ADRA1B: variants seen among roughly 807,000 people sequenced by gnomAD.
ADRA1B encodes the protein alpha-1B adrenergic receptor.
Under a neutral mutation model 17.9 loss-of-function variants are expected in ADRA1B, and 17 were observed. The ratio of observed to expected loss-of-function variants is 0.95; its 90% CI spans 0.65 to 1.42. ADRA1B has a LOEUF of 1.42. Ranked by LOEUF, ADRA1B falls within the 40% of genes most tolerant of loss-of-function variation. The pLI is 0.00. For synonymous variants in ADRA1B, 366 were observed against 327.6 expected, an observed-to-expected ratio of 1.12 and a Z score of -1.27; for missense variants, 681 against 722.1, an observed-to-expected ratio of 0.94 and a Z score of 0.65.
intron 1 of ADRA1B, among the ~76,000 whole-genome samples, chr5:159,970,956 C>G (rs1755854012): frequency 6.6e-6 from 1 of 152,130 alleles, no homozygotes; most frequent in African/African-American, 2.4e-5. Flanking sequence ...AGGCACGCAC[C>G]AACACGCCTG....
At chr5:159,878,435 G>A (rs887491562) in intron 1 of ADRA1B, among the ~76,000 whole-genome samples, 1 of 152,218 alleles carries the variant, frequency 6.6e-6, no homozygotes, top group Non-Finnish European at 1.5e-5. Context: ...GGGAAATAAG[G>A]AGCCAATAAA....
At chr5:159,904,195 T>C (rs1173685077) in intron 1 of ADRA1B, among the ~76,000 whole-genome samples, 1 of 152,226 alleles carries the variant, frequency 6.6e-6, no homozygotes, top group Admixed American at 6.5e-5. Flanking sequence ...TTTTTAAGAC[T>C]ATGGGTCTGG....
At chr5:159,901,330 G>A (rs1170220223) in intron 1 of ADRA1B, among the ~76,000 whole-genome samples, 1 of 148,700 alleles carries the variant, frequency 6.7e-6, no homozygotes, top group Non-Finnish European at 1.5e-5. Context: ...TTCCAGCACA[G>A]CCAAATAAGT....
At chr5:159,873,246 G>A (rs998732600) in intron 1 of ADRA1B, among the ~76,000 whole-genome samples, 8 of 152,244 alleles carry the variant, frequency 5.3e-5, no homozygotes, top group African/African-American at 1.9e-4. Context: ...AAGTATGCAT[G>A]TGTCTTTACA....
chr5:159,988,833 A>G, the ADRA1B span, among the ~76,000 whole-genome samples: 7 of 152,222 alleles, frequency 4.6e-5, no homozygotes, highest in African/African-American at 1.4e-4. Flanking sequence ...TTTAAAAATT[A>G]GCCAGGTTTG....
chr5:159,917,213 C>T lies in ADRA1B; in HGVS notation c.308C>T (p.Ala103Val), dbSNP rs778028658. The change falls in exon 1 of 2, where the codon GCG becomes GTG. Residue 103 changes from alanine to valine, a missense_variant. Ala to Val is a moderately conservative substitution (Grantham distance 64). Coordinates refer to ENST00000306675, the MANE Select transcript of ADRA1B (RefSeq NM_000679.4). ...LLSFTVLPFS[A>V]ALEVLGYWVL... The stretch of plus-strand genomic sequence containing the variant: ...AGCTTCACCGTCCTGCCCTTCTCAG[C>T]GGCCCTAGAGGTGCTCGGCTACTGG... 4 of 1,614,054 alleles carry T rather than the reference C, an allele frequency of 2.5e-6. No homozygotes were observed. The highest frequency in any genetic ancestry group is 8.5e-7 in the Non-Finnish European group (1 of 1,180,050).
chr5:159,936,537 T>C (rs963231757), intron 1 of ADRA1B, among the ~76,000 whole-genome samples: 5 of 152,302 alleles, frequency 3.3e-5, no homozygotes, highest in Admixed American at 2.0e-4. Context: ...ATTAATAATG[T>C]AAACTTTCAG....
chr5:159,902,954 C>T (rs1050082824), intron 1 of ADRA1B, among the ~76,000 whole-genome samples: 2 of 152,152 alleles, frequency 1.3e-5, no homozygotes, highest in Admixed American at 6.5e-5. Context: ...CTGTCGCTCT[C>T]GGACAGAACA....
At chr5:159,935,442 T>C (rs2113211900) in intron 1 of ADRA1B, among the ~76,000 whole-genome samples, 1 of 152,298 alleles carries the variant, frequency 6.6e-6, no homozygotes, top group East Asian at 1.9e-4. Context: ...GAAATAAAAA[T>C]GTTACAAATA....
Position 159,917,603 on chromosome 5 carries a change from C to T in ADRA1B, c.698C>T (p.Thr233Ile), listed in dbSNP as rs2113149926. 6.2e-7 allele frequency: 1 copy of T among 1,614,062 alleles called. No homozygotes were observed. The highest frequency in any genetic ancestry group is 8.5e-7 in the Non-Finnish European group (1 of 1,180,004). Residue 233 changes from threonine to isoleucine, a missense_variant, in exon 1 of 2, where the codon ACC becomes ATC. Physicochemically the swap from Thr to Ile is moderately conservative, Grantham distance 89 (BLOSUM62 -1). Around this residue, in one of 3 missense-constraint regions of ADRA1B, gnomAD observed 424 missense variants for 480.2 expected, o/e 0.88. Transcript: ENST00000306675. ...CGTGTCTATATAGTGGCCAAGAGAA[C>T]CACCAAGAACCTAGAGGCAGGAGTC... ...YCRVYIVAKR[T>I]TKNLEAGVMK...
chr5:159,890,025 G>A (rs1249884673), intron 1 of ADRA1B, among the ~76,000 whole-genome samples: 1 of 152,146 alleles, frequency 6.6e-6, no homozygotes, highest in Non-Finnish European at 1.5e-5. Flanking sequence ...GCTAAGATAG[G>A]CTGCCAGCCT....
At chr5:159,876,634 A>T (rs1753805634) in intron 1 of ADRA1B, among the ~76,000 whole-genome samples, 1 of 152,216 alleles carries the variant, frequency 6.6e-6, no homozygotes, top group Non-Finnish European at 1.5e-5. Flanking sequence ...GTGAAAAAGA[A>T]GATGGGGAGA....
intron 1 of ADRA1B, among the ~76,000 whole-genome samples, chr5:159,902,313 G>T (rs1754110220): frequency 6.6e-6 from 1 of 152,174 alleles, no homozygotes; most frequent in Admixed American, 6.5e-5. Context: ...AGAGTAGAAT[G>T]GGGCTGGGGG....
At chr5:159,879,542 A>G (rs953627661) in intron 1 of ADRA1B, among the ~76,000 whole-genome samples, 2 of 151,780 alleles carry the variant, frequency 1.3e-5, no homozygotes, top group Admixed American at 6.6e-5. Flanking sequence ...CCACAAGCCA[A>G]TTCTTCTTCT....
intron 1 of ADRA1B, among the ~76,000 whole-genome samples, chr5:159,954,723 A>T (rs1755519988): frequency 6.6e-6 from 1 of 152,126 alleles, no homozygotes; most frequent in Admixed American, 6.5e-5. Context: ...GATACAGGAG[A>T]CAATCTCACC....
intron 1 of ADRA1B, among the ~76,000 whole-genome samples, chr5:159,889,864 T>C (rs1235257628): frequency 6.6e-6 from 1 of 152,228 alleles, no homozygotes; most frequent in Non-Finnish European, 1.5e-5. Context: ...CTACTATAAA[T>C]TCCTTCCTTG....
intron 1 of ADRA1B, among the ~76,000 whole-genome samples, chr5:159,908,578 C>A (rs1222948277): frequency 6.6e-6 from 1 of 152,154 alleles, no homozygotes; most frequent in Non-Finnish European, 1.5e-5. Flanking sequence ...TAGCCTGAGT[C>A]CCTCACCAGA....
At chr5:159,870,109 G>GA (rs1753717231) in intron 1 of ADRA1B, 1 of 152,020 alleles carries the variant, frequency 6.6e-6, no homozygotes, top group Non-Finnish European at 1.5e-5. Context: ...GCTATGAAGG[G>GA]AAAAAAGAGA....
rs114100419 is a variant in ADRA1B at position 159,927,769 on chromosome 5, G to A, written c.949+9915G>A. On this transcript the variant is annotated intron_variant, in intron 1 of 1. Coordinates refer to ENST00000306675, the MANE Select transcript of ADRA1B (RefSeq NM_000679.4). The stretch of plus-strand genomic sequence containing the variant: ...GAATAAGGGTGTTTATAGTGCAGAC[G>A]TCCAATAGTACACCAGTTTCACACC... Among the ~76,000 whole-genome samples, 1,495 of 152,248 alleles carry A rather than the reference G, an allele frequency of 9.8e-3. 26 individuals are homozygous for A. Among genetic ancestry groups the A allele is most frequent in the African/African-American group, 0.034 (1,415 of 41,548 alleles).
Sources: gnomAD v4.1 joint callset for allele counts (sites outside exome capture counted in the v4.1 genomes callset) on GRCh38, gnomAD v4.1.1 for gene constraint, gnomAD v4.1.1 regional missense constraint, MANE v1.5 for transcripts, NCBI Gene and HGNC (gene_info 2026-07-23, HGNC 2026-07-21) for gene names.